The following LGR6 variants were observed in gnomAD, a reference collection of about 807,000 sequenced individuals.
LGR6 encodes the protein leucine-rich repeat-containing G protein-coupled receptor 6.
Under a neutral mutation model 69.4 loss-of-function variants are expected in LGR6, and 45 were observed. The observed-to-expected ratio is 0.65, with a 90% confidence interval of 0.51 to 0.83. LGR6 has a LOEUF of 0.83. Ranked by LOEUF, LGR6 falls within the 40% of genes least tolerant of loss-of-function variation. The probability of loss-of-function intolerance (pLI) is 0.00; values close to 1 mark genes in which losing one functional copy is unlikely to be tolerated. For missense variants in LGR6, 1,108 were observed against 1,246.7 expected, an observed-to-expected ratio of 0.89 and a Z score of 1.68; for synonymous variants, 538 against 555.0, an observed-to-expected ratio of 0.97 and a Z score of 0.43.
intron 1 of LGR6, among the ~76,000 whole-genome samples, chr1:202,199,867 C>T (rs1658778532): frequency 6.6e-6 from 1 of 152,154 alleles, no homozygotes; most frequent in Non-Finnish European, 1.5e-5. Flanking sequence ...GCAAATGAGA[C>T]AAAGAAAGCA....
At chr1:202,241,884 A>G (rs1220854995) in intron 4 of LGR6, among the ~76,000 whole-genome samples, 1 of 152,088 alleles carries the variant, frequency 6.6e-6, no homozygotes. Context: ...ACTAGCAAAC[A>G]TTGTCTAGAG....
chr1:202,203,746 G>T (rs1658917717), intron 1 of LGR6: 2 of 1,553,470 alleles, frequency 1.3e-6, no homozygotes, highest in Non-Finnish European at 1.8e-6. Context: ...GAACGCTTGT[G>T]TCTAACTGAT....
At chr1:202,276,263 A>T (rs779512739) in intron 4 of LGR6, 43 bp from the exon 5 acceptor site, 1 of 1,542,616 alleles carries the variant, frequency 6.5e-7, no homozygotes, top group African/African-American at 1.4e-5. Context: ...CTTGGTCTGC[A>T]TCTTGCCCTG....
chr1:202,229,886 G>C (rs996712511), intron 3 of LGR6, among the ~76,000 whole-genome samples: 1 of 152,168 alleles, frequency 6.6e-6, no homozygotes, highest in Non-Finnish European at 1.5e-5. Context: ...CCTCTTACAT[G>C]CTTCAAAGCA....
chr1:202,308,492 C>T (rs979328163), intron 14 of LGR6, among the ~76,000 whole-genome samples: 5 of 152,164 alleles, frequency 3.3e-5, no homozygotes, highest in Non-Finnish European at 7.3e-5. Flanking sequence ...AATGCGCCTC[C>T]AGTAGAAGAA....
Position 202,318,431 on chromosome 1 carries a change from G to A in LGR6, c.2128G>A (p.Glu710Lys). 6.2e-7 allele frequency: 1 copy of A among 1,611,392 alleles called. No homozygotes were observed. Among genetic ancestry groups the A allele is most frequent in the South Asian group, 1.1e-5 (1 of 90,806 alleles). The change falls in exon 18 of 18, where the codon GAA (glutamate) becomes AAA (lysine). Residue 710 changes from glutamate (E) to lysine (K), a missense_variant. By Grantham distance (56) the Glu-to-Lys change is moderately conservative. Coordinates refer to ENST00000367278, the MANE Select transcript of LGR6 (RefSeq NM_001017403.2). The part of the protein sequence containing the change: ...AAALPLASVG[E>K]YGASPLCLPY... Reference sequence around the variant, plus strand: ...CGCGCTGCCCCTGGCCTCAGTGGGAGAATACGGGGCCTCCCCACTCTGCCT... The same window carrying A: ...CGCGCTGCCCCTGGCCTCAGTGGGAAAATACGGGGCCTCCCCACTCTGCCT...
chr1:202,209,578 TG>T (rs1236669696), intron 1 of LGR6, among the ~76,000 whole-genome samples: 4 of 152,214 alleles, frequency 2.6e-5, no homozygotes, highest in Non-Finnish European at 4.4e-5. Context: ...CAGGCCACAG[TG>T]GCATATTTCT....
rs1658533115 is a variant in LGR6, at chr1:202,193,969, C to T, written c.-21C>T. The T allele has an allele frequency of 5.3e-6, 7 of 1,322,452 alleles. No homozygotes were observed. Among genetic ancestry groups the T allele is most frequent in the Non-Finnish European group, 6.8e-6 (7 of 1,036,120 alleles). 81.9% of individuals were successfully genotyped at this position (1,322,452 alleles called of 1,614,324 possible). ...GCGTCCGCGCCCGGCCGCCAGGTGC[C>T]CCAGTAGCCCGACCGCCGAGATGCC... On this transcript the variant is annotated 5_prime_UTR_variant, in exon 1 of 18. Coordinates refer to ENST00000367278, the MANE Select transcript of LGR6 (RefSeq NM_001017403.2).
chr1:202,206,473 A>G (rs77444243), intron 1 of LGR6, among the ~76,000 whole-genome samples: 3,947 of 152,230 alleles, frequency 0.026, 160 homozygotes, highest in African/African-American at 0.09. Flanking sequence ...TGCCACCCAC[A>G]CAGTCACACA....
At chr1:202,246,521 A>G (rs1229046117) in intron 4 of LGR6, among the ~76,000 whole-genome samples, 1 of 149,572 alleles carries the variant, frequency 6.7e-6, no homozygotes, top group Non-Finnish European at 1.5e-5. Context: ...TGCCTAACAC[A>G]AGAGATACTG....
chr1:202,209,607 ATACT>A (rs1659384678), intron 1 of LGR6, among the ~76,000 whole-genome samples: 1 of 152,256 alleles, frequency 6.6e-6, no homozygotes, highest in African/African-American at 2.4e-5. Context: ...AGCCTGGTCA[ATACT>A]TAGTTAAAAA....
chr1:202,242,775 A>G (rs1290323036), intron 4 of LGR6, among the ~76,000 whole-genome samples: 1 of 152,174 alleles, frequency 6.6e-6, no homozygotes, highest in Non-Finnish European at 1.5e-5. Flanking sequence ...AGGGAGAACC[A>G]AAAGCAAGGG....
At chr1:202,317,444 A>G (rs1654235589) in intron 17 of LGR6, among the ~76,000 whole-genome samples, 1 of 151,858 alleles carries the variant, frequency 6.6e-6, no homozygotes, top group African/African-American at 2.4e-5. Flanking sequence ...CCCCGGGTTC[A>G]AGTGATTCTT....
At chr1:202,246,777 C>T (rs1431277038) in intron 4 of LGR6, among the ~76,000 whole-genome samples, 3 of 152,090 alleles carry the variant, frequency 2.0e-5, no homozygotes, top group African/African-American at 7.2e-5. Flanking sequence ...TAATAAAAAT[C>T]ATATTGGTAG....
chr1:202,293,164 G>A (rs752659252), intron 6 of LGR6, among the ~76,000 whole-genome samples: 3 of 152,194 alleles, frequency 2.0e-5, no homozygotes, highest in Non-Finnish European at 4.4e-5. Context: ...AGGGACAGCA[G>A]ATAAGAAGTG....
chr1:202,228,279 A>G (rs1341376397), intron 3 of LGR6, among the ~76,000 whole-genome samples: 1 of 152,256 alleles, frequency 6.6e-6, no homozygotes, highest in Non-Finnish European at 1.5e-5. Flanking sequence ...TATAATGACC[A>G]TCGACATAGG....
At chr1:202,289,370 G>T (rs1417749894) in intron 6 of LGR6, among the ~76,000 whole-genome samples, 1 of 152,324 alleles carries the variant, frequency 6.6e-6, no homozygotes, top group African/African-American at 2.4e-5. Context: ...TTGGGGGCAG[G>T]TTGGACTATT....
intron 1 of LGR6, among the ~76,000 whole-genome samples, chr1:202,221,246 G>A (rs753500378): frequency 3.3e-5 from 5 of 152,070 alleles, no homozygotes; most frequent in Admixed American, 6.5e-5. Context: ...TGCCTCGGCG[G>A]AGGGTCTTCT....
chr1:202,254,880 A>G (rs182194608), intron 4 of LGR6, among the ~76,000 whole-genome samples: 66 of 147,864 alleles, frequency 4.5e-4, no homozygotes, highest in African/African-American at 1.6e-3. Context: ...CTGTAACAAT[A>G]GTTGAGACTC....
Sources: gnomAD v4.1 joint callset for allele counts (sites outside exome capture counted in the v4.1 genomes callset) on GRCh38, gnomAD v4.1.1 for gene constraint, MANE v1.5 for transcripts, NCBI Gene and HGNC (gene_info 2026-07-23, HGNC 2026-07-21) for gene names.